FAM178B: variants seen among roughly 807,000 people sequenced by gnomAD.
The protein encoded by FAM178B is family with sequence similarity 178 member B, also known as protein FAM178B.
In FAM178B, 82 loss-of-function variants were observed where a neutral mutation model predicts 91.7. The ratio of observed to expected loss-of-function variants is 0.89; its 90% CI spans 0.75 to 1.07. The LOEUF is 1.07. FAM178B is among the 50% of genes least tolerant of loss of function. The probability of loss-of-function intolerance (pLI) is 0.00; values close to 1 mark genes in which losing one functional copy is unlikely to be tolerated. For synonymous variants in FAM178B, 368 were observed against 359.4 expected (o/e 1.02, Z -0.27); for missense variants, 769 against 846.7 (o/e 0.91, Z 1.14).
intron 12 of FAM178B, among the ~76,000 whole-genome samples, chr2:96,904,582 C>T (rs1354845774): frequency 7.9e-5 from 10 of 127,266 alleles, no homozygotes; most frequent in Admixed American, 9.1e-5. Context: ...TTAGCAGAGA[C>T]GGGGTTTCAC....
At position 96,948,375 on chromosome 2, in the gene FAM178B, C is replaced by G. The variant is rs556953552; in HGVS notation, c.994-473G>C. ...CCAGGTCAGCGCCTTAACACACTGT[C>G]ATCTGAGACCACCAGCTTAGACGGT... On this transcript the variant is annotated intron_variant, in intron 7 of 16. Transcript: ENST00000490605. Among the ~76,000 whole-genome samples, 14 of 152,358 alleles carry G rather than the reference C, an allele frequency of 9.2e-5. No individual in the cohort carries two copies. In the South Asian group the frequency reaches 2.9e-3, roughly 32 times the overall value.
chr2:96,905,312 CTT>C (rs1223649475), intron 12 of FAM178B, among the ~76,000 whole-genome samples: 1 of 152,062 alleles, frequency 6.6e-6, no homozygotes, highest in African/African-American at 2.4e-5. Flanking sequence ...AATCCCAACA[CTT>C]TGGGAGGCTG....
At chr2:96,938,448 C>T (rs2153372383) in intron 8 of FAM178B, among the ~76,000 whole-genome samples, 1 of 152,284 alleles carries the variant, frequency 6.6e-6, no homozygotes, top group East Asian at 1.9e-4. Flanking sequence ...TGCCTGCCCC[C>T]ACAGGGCCAA....
intron 13 of FAM178B, among the ~76,000 whole-genome samples, chr2:96,897,158 C>T (rs941009265): frequency 2.0e-5 from 3 of 152,158 alleles, no homozygotes; most frequent in Non-Finnish European, 4.4e-5. Flanking sequence ...TGAGCCACAG[C>T]GCTTGGCCCC....
At chr2:96,975,333 C>T (rs1055220745) in intron 1 of FAM178B, among the ~76,000 whole-genome samples, 1 of 152,036 alleles carries the variant, frequency 6.6e-6, no homozygotes, top group African/African-American at 2.4e-5. Flanking sequence ...TTTAAGTATA[C>T]TCGCCAGAAA....
intron 12 of FAM178B, among the ~76,000 whole-genome samples, chr2:96,905,540 G>C (rs1281622385): frequency 6.9e-6 from 1 of 145,324 alleles, no homozygotes; most frequent in Non-Finnish European, 1.5e-5. Flanking sequence ...CTGGGCGACA[G>C]AGCGAGACTC....
In FAM178B at chr2:96,944,618, G is replaced by A. The variant is rs774526373; in HGVS notation, c.1078+3200C>T. ...GCAGAATCCAGAGCCCTGAGACTGC[G>A]CATCTACTGAACGTGTCACAGAATC... On this transcript the variant is annotated intron_variant, in intron 8 of 16. Coordinates refer to ENST00000490605, the MANE Select transcript of FAM178B (RefSeq NM_001122646.3). Among the ~76,000 whole-genome samples the A allele has an allele frequency of 1.4e-3, 206 of 152,166 alleles. 3 individuals carry two copies. The highest frequency in any genetic ancestry group is 4.1e-3 in the Admixed American group (63 of 15,282).
At position 96,960,231 on chromosome 2, in the gene FAM178B, G is replaced by GCCCTT. The variant is rs1475486023; in HGVS notation, c.887+56_887+57insAAGGG. On this transcript the variant is annotated intron_variant, in intron 6 of 16. Transcript: ENST00000490605. ...GGTGGCCCTTATCCCTGGACTCCAG[G>GCCCTT]AGGGAGGGGTCCTGGACAGGCTGCG... 5.2e-6 allele frequency: 8 copies of GCCCTT among 1,536,732 alleles called. No homozygotes were observed. The African/African-American group carries it at 9.6e-5, about 19-fold the overall frequency.
intron 6 of FAM178B, among the ~76,000 whole-genome samples, chr2:96,954,301 A>C (rs771619093): frequency 7.9e-5 from 12 of 152,232 alleles, no homozygotes; most frequent in Non-Finnish European, 1.6e-4. Context: ...CAGCCATGAC[A>C]GCAATGACAG....
rs908377547 is a variant in FAM178B, at chr2:96,889,535, G to A, written c.1776+4391C>T. 4.7e-4 allele frequency among the ~76,000 whole-genome samples: 72 copies of A among 151,726 alleles called. 3 individuals carry two copies. Among genetic ancestry groups the A allele is most frequent in the Non-Finnish European group, 7.4e-5 (5 of 67,914 alleles). On this transcript the variant is annotated intron_variant, in intron 14 of 16. Coordinates refer to ENST00000490605, the MANE Select transcript of FAM178B (RefSeq NM_001122646.3). ...CTCTACAAAAATACAAAAATTAGCC[G>A]GGCATGATGGTGGGCACCTGTAATC...
intron 1 of FAM178B, 25 bp downstream of exon 1, chr2:96,986,216 G>C (rs1037415790): frequency 6.5e-7 from 1 of 1,534,356 alleles, no homozygotes; most frequent in Non-Finnish European, 8.7e-7. Context: ...GCGCCCCTGC[G>C]GTTCCTCGGC....
At chr2:96,944,853 G>A (rs756414616) in intron 8 of FAM178B, among the ~76,000 whole-genome samples, 3 of 152,122 alleles carry the variant, frequency 2.0e-5, no homozygotes, top group African/African-American at 4.8e-5. Flanking sequence ...CTCAGTCCCC[G>A]TAGGCAACTG....
intron 8 of FAM178B, among the ~76,000 whole-genome samples, chr2:96,944,926 C>T (rs1443054219): frequency 2.0e-5 from 3 of 152,170 alleles, no homozygotes; most frequent in East Asian, 1.9e-4. Flanking sequence ...CAAAGCACTT[C>T]CTGGTTCCTG....
Position 96,921,469 on chromosome 2 carries a change from G to A in FAM178B, c.1464+9C>T, listed in dbSNP as rs151272899. 8,892 of 1,551,624 alleles carry A rather than the reference G, an allele frequency of 5.7e-3. 26 individuals carry two copies. Among genetic ancestry groups the A allele is most frequent in the Non-Finnish European group, 6.5e-3 (7,426 of 1,146,952 alleles). ...GCTGTATGAGGACCAGGCTCTGGGCGTCTAGTACCTTCCCTGGCCACTCCC... is the reference window on the plus strand; with the variant it reads ...GCTGTATGAGGACCAGGCTCTGGGCATCTAGTACCTTCCCTGGCCACTCCC... On this transcript the variant is annotated intron_variant, in intron 11 of 16. Transcript: ENST00000490605.
intron 14 of FAM178B, among the ~76,000 whole-genome samples, chr2:96,888,023 G>C (rs2080572186): frequency 6.6e-6 from 1 of 152,224 alleles, no homozygotes; most frequent in South Asian, 2.1e-4. Context: ...CACTTGCAAA[G>C]AAACCAGAAT....
intron 12 of FAM178B, among the ~76,000 whole-genome samples, chr2:96,915,276 A>T (rs2081223264): frequency 2.8e-5 from 4 of 143,976 alleles, no homozygotes; most frequent in Admixed American, 6.9e-5. Context: ...TGCCCAGCTA[A>T]TTTTTTTTTT....
intron 6 of FAM178B, among the ~76,000 whole-genome samples, chr2:96,958,631 A>C (rs995363141): frequency 7.6e-6 from 1 of 130,910 alleles, no homozygotes; most frequent in Non-Finnish European, 1.6e-5. Flanking sequence ...CGGAGGTTGC[A>C]GTGAGCCGAG....
intron 6 of FAM178B, among the ~76,000 whole-genome samples, chr2:96,955,142 G>C (rs2081980658): frequency 6.6e-6 from 1 of 152,218 alleles, no homozygotes; most frequent in Non-Finnish European, 1.5e-5. Context: ...AAGGCAGGTG[G>C]ATCACCTGAG....
rs370428339 is a variant in FAM178B at position 96,915,814 on chromosome 2, A to G, written c.1562+5351T>C. Reference sequence around the variant, plus strand: ...CTGGGCGACAGAGTGGGAAAAAAAAAAAAAGAAAAAGAAAAAAAGAAAGGG... The same window carrying G: ...CTGGGCGACAGAGTGGGAAAAAAAAGAAAAGAAAAAGAAAAAAAGAAAGGG... On this transcript the variant is annotated intron_variant, in intron 12 of 16. Coordinates refer to ENST00000490605, the MANE Select transcript of FAM178B (RefSeq NM_001122646.3). 1.8e-4 allele frequency among the ~76,000 whole-genome samples: 28 copies of G among 151,990 alleles called. No homozygotes were observed. In the East Asian group the frequency reaches 2.9e-3, roughly 16 times the overall value.
Sources: allele counts gnomAD v4.1 joint callset (sites outside exome capture counted in the v4.1 genomes callset), GRCh38; gene constraint gnomAD v4.1.1; transcripts MANE v1.5; gene names NCBI Gene and HGNC (gene_info 2026-07-23, HGNC 2026-07-21).